ELMOD3: variants seen among roughly 807,000 people sequenced by gnomAD.
The protein encoded by ELMOD3 is ELMO domain containing 3.
Under a neutral mutation model 47.4 loss-of-function variants are expected in ELMOD3, and 36 were observed. That is an observed-to-expected ratio of 0.76 (90% CI 0.58 to 1.00). The LOEUF (loss-of-function observed/expected upper bound fraction) is 1.00. ELMOD3 is among the 50% of genes least tolerant of loss of function. ELMOD3 has a pLI of 0.00. For synonymous variants in ELMOD3, 149 were observed against 183.5 expected (o/e 0.81, Z 1.52); for missense variants, 404 against 463.8 (o/e 0.87, Z 1.18).
rs1033777577 is a variant in ELMOD3 at position 85,391,650 on chromosome 2, T to A, written c.*688T>A. 6.5e-6 allele frequency: 1 copy of A among 152,758 alleles called. No individual in the cohort carries two copies. The highest frequency in any genetic ancestry group is 2.4e-5 in the African/African-American group (1 of 41,456). 9.5% of individuals were successfully genotyped at this position (152,758 alleles called of 1,614,324 possible). On this transcript the variant is annotated 3_prime_UTR_variant, in exon 14 of 14. Transcript: ENST00000409013. ...CTAGCCCCCACAAGCTGGGGCTTCC[T>A]CCTGTAGATGCTGTGCATGCCCCAT...
chr2:85,386,794 G>A (rs572002165), intron 11 of ELMOD3, among the ~76,000 whole-genome samples: 1 of 152,198 alleles, frequency 6.6e-6, no homozygotes, highest in African/African-American at 2.4e-5. Flanking sequence ...TCGGGAGGTC[G>A]AGACCAGCCT....
rs143032765 is a variant in ELMOD3, at chr2:85,364,168, C to T, written c.199+1002C>T. On this transcript the variant is annotated intron_variant, in intron 6 of 13. Transcript: ENST00000409013. ...TTTTTTTTTTTTGTTAGGGACAGGG[C>T]CTTGCTTTGTCCCCCAGGCTGGAGT... Among the ~76,000 whole-genome samples, 1,091 of 149,200 alleles carry T rather than the reference C, an allele frequency of 7.3e-3. 18 individuals carry two copies. The highest frequency in any genetic ancestry group is 0.025 in the African/African-American group (1,015 of 40,526).
At chr2:85,366,914 T>C (rs1357658225) in intron 6 of ELMOD3, among the ~76,000 whole-genome samples, 1 of 152,136 alleles carries the variant, frequency 6.6e-6, no homozygotes, top group Non-Finnish European at 1.5e-5. Flanking sequence ...CTGGAGTCTC[T>C]CCATCCTTCA....
At chr2:85,357,342 A>G in intron 4 of ELMOD3, 90 bp downstream of exon 4, 1 of 829,534 alleles carries the variant, frequency 1.2e-6, no homozygotes, top group Non-Finnish European at 1.9e-6. Context: ...ATATTTGGAA[A>G]AATTTAGAAA....
At chr2:85,384,613 T>C (rs942871450) in intron 11 of ELMOD3, among the ~76,000 whole-genome samples, 2 of 152,112 alleles carry the variant, frequency 1.3e-5, no homozygotes, top group Non-Finnish European at 2.9e-5. Context: ...TTTAAAACAG[T>C]CTCACCCTGT....
chr2:85,385,984 C>A (rs547310050), intron 11 of ELMOD3, among the ~76,000 whole-genome samples: 1 of 152,274 alleles, frequency 6.6e-6, no homozygotes, highest in East Asian at 1.9e-4. Flanking sequence ...TGACAGCTGG[C>A]CTGGCGGTGG....
chr2:85,377,083 G>A (rs1414944216), intron 10 of ELMOD3, among the ~76,000 whole-genome samples: 1 of 152,246 alleles, frequency 6.6e-6, no homozygotes, highest in Non-Finnish European at 1.5e-5. Flanking sequence ...GTGGTTTTGT[G>A]TAGAAGTAAC....
chr2:85,363,236 T>C (rs1684114013), intron 6 of ELMOD3, 70 bp downstream of exon 6: 2 of 832,944 alleles, frequency 2.4e-6, no homozygotes, highest in East Asian at 4.9e-5. Flanking sequence ...CATCTGCTGT[T>C]CATCATTTGA....
chr2:85,385,990 G>A (rs996045237), intron 11 of ELMOD3, among the ~76,000 whole-genome samples: 3 of 152,136 alleles, frequency 2.0e-5, no homozygotes, highest in Non-Finnish European at 4.4e-5. Context: ...CTGGCCTGGC[G>A]GTGGGCTCTG....
chr2:85,371,287 T>A, intron 9 of ELMOD3, 78 bp downstream of exon 9: 1 of 1,611,504 alleles, frequency 6.2e-7, no homozygotes, highest in Non-Finnish European at 8.5e-7. Context: ...CCTGTGAGGC[T>A]AAGCCAGGAA....
At chr2:85,364,828 T>A (rs866665096) in intron 6 of ELMOD3, among the ~76,000 whole-genome samples, 4,309 of 100,068 alleles carry the variant, frequency 0.043, 24 homozygotes, top group East Asian at 0.081. Context: ...TATATATATT[T>A]TTTTTTTTTT....
intron 11 of ELMOD3, among the ~76,000 whole-genome samples, chr2:85,381,931 C>G (rs1428113526): frequency 6.6e-6 from 1 of 151,454 alleles, no homozygotes; most frequent in Non-Finnish European, 1.5e-5. Context: ...TCCTGGCCAA[C>G]ACGGTGAAAC....
chr2:85,386,417 C>T (rs1459157129), intron 11 of ELMOD3, among the ~76,000 whole-genome samples: 1 of 127,124 alleles, frequency 7.9e-6, no homozygotes, highest in Non-Finnish European at 1.6e-5. Flanking sequence ...GATGGAGTCT[C>T]GCTCTGTTGC....
chr2:85,377,749 C>T (rs892246781), intron 11 of ELMOD3, among the ~76,000 whole-genome samples: 1 of 152,192 alleles, frequency 6.6e-6, no homozygotes, highest in African/African-American at 2.4e-5. Flanking sequence ...AGCACTTGAA[C>T]ATAAATTTAA....
intron 11 of ELMOD3, among the ~76,000 whole-genome samples, chr2:85,379,577 T>C (rs745602324): frequency 1.3e-5 from 2 of 152,222 alleles, no homozygotes; most frequent in South Asian, 2.1e-4. Context: ...ATTATTAAAA[T>C]TGAAAAACAT....
chr2:85,365,349 C>CA (rs888203148), intron 6 of ELMOD3, among the ~76,000 whole-genome samples: 2 of 145,740 alleles, frequency 1.4e-5, no homozygotes, highest in Admixed American at 6.9e-5. Context: ...GACTTCTTCT[C>CA]AAAAAAAAAT....
intron 13 of ELMOD3, 79 bp from the exon 14 acceptor site, chr2:85,390,681 C>T: frequency 3.3e-6 from 5 of 1,520,956 alleles, no homozygotes; most frequent in Middle Eastern, 4.7e-4. Flanking sequence ...CTCCCTAGAG[C>T]TGCTAGGCTT....
chr2:85,374,243 G>A lies in ELMOD3; in HGVS notation c.607+2681G>A, dbSNP rs185793309. ...GTGCCAGGCATGGTGGCTCACACCT[G>A]TAATCCCAGCACTTTGGGAGGCCAA... On this transcript the variant is annotated intron_variant, in intron 10 of 13. Coordinates refer to ENST00000409013, the MANE Select transcript of ELMOD3 (RefSeq NM_001135022.2). 2.4e-3 allele frequency among the ~76,000 whole-genome samples: 371 copies of A among 152,184 alleles called. 3 individuals are homozygous for A. Among genetic ancestry groups the A allele is most frequent in the Admixed American group, 2.7e-3 (42 of 15,284 alleles).
At chr2:85,359,750 TTTTTG>T (rs1683818031) in intron 4 of ELMOD3, among the ~76,000 whole-genome samples, 1 of 152,084 alleles carries the variant, frequency 6.6e-6, no homozygotes, top group Admixed American at 6.6e-5. Flanking sequence ...GTTTTGCTTT[TTTTTG>T]TTTTGTTTTG....
Sources: gnomAD v4.1 joint callset for allele counts (sites outside exome capture counted in the v4.1 genomes callset) on GRCh38, gnomAD v4.1.1 for gene constraint, MANE v1.5 for transcripts, NCBI Gene and HGNC (gene_info 2026-07-23, HGNC 2026-07-21) for gene names.